CCDC3: variants seen among roughly 807,000 people sequenced by gnomAD.
CCDC3 encodes the protein coiled-coil domain containing 3.
CCDC3 carries 24 observed loss-of-function variants against 21.4 expected under a neutral mutation model. That is an observed-to-expected ratio of 1.12 (90% CI 0.81 to 1.58). The LOEUF is 1.58. Ranked by LOEUF, CCDC3 falls within the 40% of genes most tolerant of loss-of-function variation. The probability of loss-of-function intolerance (pLI) is 0.00; values close to 1 mark genes in which losing one functional copy is unlikely to be tolerated. For synonymous variants in CCDC3, 186 were observed against 166.0 expected (o/e 1.12, Z -0.93); for missense variants, 425 against 360.9 (o/e 1.18, Z -1.44).
At chr10:12,977,988 C>T (rs1047269069) in intron 2 of CCDC3, among the ~76,000 whole-genome samples, 23 of 151,466 alleles carry the variant, frequency 1.5e-4, no homozygotes, top group Admixed American at 1.3e-3. Flanking sequence ...CCACATGTAT[C>T]GCTTGGGAAA....
chr10:13,052,595 A>AT (rs1836621935), intron 4 of CCDC3, among the ~76,000 whole-genome samples: 1 of 152,140 alleles, frequency 6.6e-6, no homozygotes, highest in Admixed American at 6.5e-5. Flanking sequence ...TCTTGTGCCC[A>AT]TAAAATTTTG....
intron 2 of CCDC3, among the ~76,000 whole-genome samples, chr10:12,918,715 T>C (rs1290876563): frequency 2.0e-5 from 3 of 151,984 alleles, no homozygotes; most frequent in Admixed American, 2.0e-4. Context: ...ATTAAACAGA[T>C]GGAAGGGGGA....
At chr10:13,031,640 A>C (rs1836304234) in intron 5 of CCDC3, among the ~76,000 whole-genome samples, 1 of 145,194 alleles carries the variant, frequency 6.9e-6, no homozygotes, top group South Asian at 2.1e-4. Context: ...TAGATGCAAC[A>C]AAAAATGATA....
chr10:13,097,259 G>A (rs961855531), intron 3 of CCDC3, among the ~76,000 whole-genome samples: 2 of 152,190 alleles, frequency 1.3e-5, no homozygotes, highest in African/African-American at 4.8e-5. Context: ...TGTGCAGGAA[G>A]ATGGAGTCAC....
chr10:12,953,090 G>A (rs1589019634), intron 2 of CCDC3, among the ~76,000 whole-genome samples: 2 of 151,702 alleles, frequency 1.3e-5, no homozygotes, highest in African/African-American at 4.8e-5. Context: ...ATTTATACAG[G>A]AAAAAAAAAG....
At chr10:12,978,265 C>A (rs770101629) in intron 2 of CCDC3, among the ~76,000 whole-genome samples, 1 of 152,042 alleles carries the variant, frequency 6.6e-6, no homozygotes, top group Non-Finnish European at 1.5e-5. Context: ...GTGATCCACA[C>A]GCCTCAGCCT....
chr10:13,047,586 C>T (rs1006768912), intron 5 of CCDC3, among the ~76,000 whole-genome samples: 7 of 152,154 alleles, frequency 4.6e-5, no homozygotes, highest in Admixed American at 6.5e-5. Context: ...TCTCCCCTCC[C>T]GCCTCCTTCT....
chr10:13,059,598 G>A (rs1836728269), intron 4 of CCDC3, among the ~76,000 whole-genome samples: 1 of 152,160 alleles, frequency 6.6e-6, no homozygotes, highest in Admixed American at 6.5e-5. Context: ...AATTCACAGT[G>A]TGGACTTGCT....
At chr10:13,043,984 G>A (rs1430121765) in intron 5 of CCDC3, among the ~76,000 whole-genome samples, 1 of 151,122 alleles carries the variant, frequency 6.6e-6, no homozygotes, top group African/African-American at 2.4e-5. Flanking sequence ...CAGTAAATAA[G>A]CATTCCCTTT....
chr10:12,968,808 T>C (rs763237456), intron 2 of CCDC3, among the ~76,000 whole-genome samples: 6 of 152,144 alleles, frequency 3.9e-5, no homozygotes, highest in Non-Finnish European at 7.4e-5. Flanking sequence ...CATTACAGTA[T>C]CTTTTATGTA....
chr10:13,064,389 T>G (rs1836798880), intron 4 of CCDC3, among the ~76,000 whole-genome samples: 1 of 152,238 alleles, frequency 6.6e-6, no homozygotes, highest in Admixed American at 6.5e-5. Flanking sequence ...AAAATTTCTT[T>G]CATGTGTGAA....
At chr10:12,904,489 A>AAAAAAAAAAAAAAAAAAAC (rs1834142106) in intron 2 of CCDC3, among the ~76,000 whole-genome samples, 1 of 149,768 alleles carries the variant, frequency 6.7e-6, no homozygotes, top group African/African-American at 2.4e-5. Flanking sequence ...AAAAAAAAAA[A>AAAAAAAAAAAAAAAAAAAC]AAGACTGGCT....
intron 2 of CCDC3, among the ~76,000 whole-genome samples, chr10:12,974,904 T>C (rs1385402236): frequency 6.6e-6 from 1 of 152,240 alleles, no homozygotes; most frequent in East Asian, 1.9e-4. Flanking sequence ...GAGAACCCAC[T>C]ATGCATTAGA....
In CCDC3 at chr10:12,998,492, A is replaced by T. The variant is rs780969623; in HGVS notation, c.395T>A (p.Leu132His). 2 of 1,614,128 alleles carry T rather than the reference A, an allele frequency of 1.2e-6. No homozygotes were observed. Among genetic ancestry groups the T allele is most frequent in the Admixed American group, 1.7e-5 (1 of 60,022 alleles). The stretch of plus-strand genomic sequence containing the variant: ...TTGGAAATTGACTCCGTGAGGCAAG[A>T]GGTTATAATTTTCATCCATCCTAAT... The part of the protein sequence containing the change: ...FFLRMDENYN[L>H]LPHGVNFQDA... The change falls in exon 2 of 3, where the codon CTC (leucine) becomes CAC (histidine). Residue 132 changes from leucine to histidine, a missense_variant. Transcript: ENST00000378825.
At chr10:12,909,185 C>A (rs1395393283) in intron 2 of CCDC3, among the ~76,000 whole-genome samples, 1 of 152,186 alleles carries the variant, frequency 6.6e-6, no homozygotes, top group African/African-American at 2.4e-5. Context: ...CCAGTTAATT[C>A]TCTCCCTTGA....
At chr10:12,906,415 G>C (rs757253763) in intron 2 of CCDC3, among the ~76,000 whole-genome samples, 6 of 152,224 alleles carry the variant, frequency 3.9e-5, no homozygotes, top group Non-Finnish European at 7.3e-5. Flanking sequence ...GGCTGGGGCA[G>C]GAGTTTCCTT....
intron 2 of CCDC3, among the ~76,000 whole-genome samples, chr10:12,969,601 T>C (rs1011978243): frequency 6.6e-6 from 1 of 151,364 alleles, no homozygotes; most frequent in Non-Finnish European, 1.5e-5. Flanking sequence ...CCTAAGTGTT[T>C]ATTGACAGAT....
intron 2 of CCDC3, among the ~76,000 whole-genome samples, chr10:12,906,784 G>A (rs1285471749): frequency 6.6e-6 from 1 of 152,188 alleles, no homozygotes; most frequent in Non-Finnish European, 1.5e-5. Context: ...AGCATCTGAT[G>A]TAGCACCTGG....
chr10:12,986,020 C>A (rs566562918), intron 2 of CCDC3, among the ~76,000 whole-genome samples: 2 of 152,284 alleles, frequency 1.3e-5, no homozygotes, highest in East Asian at 3.9e-4. Context: ...GGACTACAGG[C>A]GCCCGCCACC....
Sources: gnomAD v4.1 joint callset for allele counts (sites outside exome capture counted in the v4.1 genomes callset) on GRCh38, gnomAD v4.1.1 for gene constraint, MANE v1.5 for transcripts, NCBI Gene and HGNC (gene_info 2026-07-23, HGNC 2026-07-21) for gene names.